The following AFF3 variants were observed in gnomAD, a reference collection of about 807,000 sequenced individuals.
AFF3 encodes ALF transcription elongation factor 3.
AFF3 carries 32 observed loss-of-function variants against 129.7 expected under a neutral mutation model. The ratio of observed to expected loss-of-function variants is 0.25; its 90% CI spans 0.19 to 0.33. The LOEUF (loss-of-function observed/expected upper bound fraction) is 0.33. Among genes scored for constraint, AFF3 ranks in the 10% least tolerant of loss-of-function variants. AFF3 has a pLI of 1.00. For synonymous variants in AFF3, 644 were observed against 635.4 expected (o/e 1.01, Z -0.20); for missense variants, 1,373 against 1,592.0 (o/e 0.86, Z 2.34).
At chr2:99,794,094 T>G (rs1685398508) in intron 8 of AFF3, among the ~76,000 whole-genome samples, 1 of 152,238 alleles carries the variant, frequency 6.6e-6, no homozygotes, top group South Asian at 2.1e-4. Flanking sequence ...TCTAAATTAA[T>G]TTTGTTTTGG....
intron 10 of AFF3, 140 bp from the exon 11 acceptor site, chr2:99,727,268 G>A: frequency 1.2e-6 from 1 of 866,886 alleles, no homozygotes; most frequent in Non-Finnish European, 1.7e-6. Context: ...ATCTTTTATT[G>A]TCTGAGAACC....
intron 7 of AFF3, among the ~76,000 whole-genome samples, chr2:99,960,723 C>A (rs1470313817): frequency 1.3e-5 from 2 of 152,190 alleles, no homozygotes; most frequent in Admixed American, 1.3e-4. Flanking sequence ...AGGGGTCCTC[C>A]AAATTCAGCC....
At chr2:99,554,574 G>A (rs764129814) in intron 23 of AFF3, 40 bp from the exon 24 acceptor site, 46 of 1,607,824 alleles carry the variant, frequency 2.9e-5, no homozygotes, top group Admixed American at 1.7e-4. Flanking sequence ...TGGCGAGGTC[G>A]GGAGCAAGCG....
chr2:99,805,627 T>C (rs1224442516), intron 8 of AFF3, among the ~76,000 whole-genome samples: 1 of 152,326 alleles, frequency 6.6e-6, no homozygotes, highest in East Asian at 1.9e-4. Context: ...CAGCCGAGTA[T>C]GCTCTGTGCA....
At chr2:100,023,134 C>T (rs1683736287) in intron 4 of AFF3, among the ~76,000 whole-genome samples, 1 of 152,218 alleles carries the variant, frequency 6.6e-6, no homozygotes, top group South Asian at 2.1e-4. Flanking sequence ...CCCGTAAGCA[C>T]TCAATTACCA....
At chr2:99,782,001 C>T (rs949747026) in intron 8 of AFF3, among the ~76,000 whole-genome samples, 1 of 152,170 alleles carries the variant, frequency 6.6e-6, no homozygotes, top group Non-Finnish European at 1.5e-5. Context: ...CAAGCTTATA[C>T]AGAACTTTAT....
At chr2:99,799,401 A>C (rs1444414085) in intron 8 of AFF3, among the ~76,000 whole-genome samples, 1 of 151,994 alleles carries the variant, frequency 6.6e-6, no homozygotes, top group African/African-American at 2.4e-5. Flanking sequence ...GGAGTTCCCT[A>C]AAGGAGAAGG....
intron 8 of AFF3, among the ~76,000 whole-genome samples, chr2:99,781,905 A>C (rs890801855): frequency 3.3e-5 from 5 of 152,202 alleles, no homozygotes; most frequent in Non-Finnish European, 7.3e-5. Flanking sequence ...AGAAAAAAAA[A>C]ATCTTATAAT....
chr2:100,056,178 G>A (rs1686769477), intron 4 of AFF3, among the ~76,000 whole-genome samples: 2 of 151,626 alleles, frequency 1.3e-5, no homozygotes, highest in Non-Finnish European at 2.9e-5. Flanking sequence ...TCTTGTCTGT[G>A]ACACCAGAGA....
chr2:99,927,805 C>A (rs7595062), intron 7 of AFF3, among the ~76,000 whole-genome samples: 8,885 of 152,070 alleles, frequency 0.058, 854 homozygotes, highest in African/African-American at 0.2. Context: ...CTGAGAGGCC[C>A]CAGAGCACGT....
chr2:99,622,251 C>A (rs2105314181), intron 13 of AFF3, among the ~76,000 whole-genome samples: 1 of 152,190 alleles, frequency 6.6e-6, no homozygotes, highest in East Asian at 1.9e-4. Flanking sequence ...GAGGCTGTGC[C>A]CCCAGAGGAC....
At chr2:99,678,050 A>C (rs1408370282) in intron 11 of AFF3, among the ~76,000 whole-genome samples, 1 of 152,208 alleles carries the variant, frequency 6.6e-6, no homozygotes, top group Admixed American at 6.5e-5. Context: ...CTATCCACAG[A>C]AGGTGTACTG....
chr2:99,989,106 TAACA>T (rs1680120809), intron 7 of AFF3, among the ~76,000 whole-genome samples: 1 of 152,174 alleles, frequency 6.6e-6, no homozygotes, highest in Non-Finnish European at 1.5e-5. Context: ...CTCCTTTAAC[TAACA>T]GAATTACAGA....
intron 8 of AFF3, among the ~76,000 whole-genome samples, chr2:99,786,236 A>G (rs1684781421): frequency 6.6e-6 from 1 of 152,170 alleles, no homozygotes; most frequent in African/African-American, 2.4e-5. Context: ...TTAATCCCTC[A>G]GGCTCAGTTT....
intron 11 of AFF3, among the ~76,000 whole-genome samples, chr2:99,708,424 A>G (rs183796822): frequency 1.5e-4 from 23 of 152,280 alleles, no homozygotes; most frequent in South Asian, 4.1e-4. Flanking sequence ...AAAGAAGTCC[A>G]TCCCAGGTTT....
chr2:99,572,293 ACC>A lies in AFF3; in HGVS notation c.2919-3380_2919-3379del, dbSNP rs71376487. ...CTTTTCTTCTCTTCCCCCTCCCACC[ACC>A]CCCCCCCCCCCACCTAGAAACACAC... On this transcript the variant is annotated intron_variant, in intron 18 of 24. Transcript: ENST00000672756. Among the ~76,000 whole-genome samples, 199 of 43,236 alleles carry A rather than the reference ACC, an allele frequency of 4.6e-3. 3 individuals carry two copies. Among genetic ancestry groups the A allele is most frequent in the African/African-American group, 0.014 (141 of 10,218 alleles). The allele number at this position is 43,236 out of a possible 152,430, so 28.4% of individuals were successfully genotyped here. A position where few individuals can be genotyped will look rare whatever the true frequency, so the allele number is the denominator to read the frequency against.
In AFF3 at chr2:99,981,420, T is replaced by C. The variant is rs554474277; in HGVS notation, c.873+25212A>G. On this transcript the variant is annotated intron_variant, in intron 7 of 24. Coordinates refer to ENST00000672756, the MANE Select transcript of AFF3 (RefSeq NM_001386135.1). ...CATATTCATGCACCCAATCTTTTAATTGTCTTCACTCATATTCCAAATTGC... is the reference window on the plus strand; with the variant it reads ...CATATTCATGCACCCAATCTTTTAACTGTCTTCACTCATATTCCAAATTGC... Among the ~76,000 whole-genome samples, 15 of 152,332 alleles carry C rather than the reference T, an allele frequency of 9.8e-5. No homozygotes were observed. The South Asian group carries it at 2.9e-3, about 29-fold the overall frequency.
chr2:99,789,566 C>A (rs1227955667), intron 8 of AFF3, among the ~76,000 whole-genome samples: 9 of 152,114 alleles, frequency 5.9e-5, no homozygotes. Context: ...CTGCCCTCTC[C>A]CAGAACTTCC....
chr2:99,661,195 A>G (rs1182029655), intron 12 of AFF3, among the ~76,000 whole-genome samples: 1 of 152,204 alleles, frequency 6.6e-6, no homozygotes, highest in African/African-American at 2.4e-5. Context: ...TCTGAGTTAA[A>G]TAACAATGTC....
Sources: gnomAD v4.1 joint callset for allele counts (sites outside exome capture counted in the v4.1 genomes callset) on GRCh38, gnomAD v4.1.1 for gene constraint, MANE v1.5 for transcripts, NCBI Gene and HGNC (gene_info 2026-07-23, HGNC 2026-07-21) for gene names.